ANK3: variants seen among roughly 807,000 people sequenced by gnomAD.
ANK3 encodes ankyrin-3.
In ANK3, 57 loss-of-function variants were observed where a neutral mutation model predicts 370.9. The observed-to-expected ratio is 0.15, with a 90% CI of 0.12 to 0.19. The LOEUF (loss-of-function observed/expected upper bound fraction) is 0.19, where lower values mean the gene tolerates loss of function less well. Ranked by LOEUF, ANK3 falls within the 10% of genes least tolerant of loss-of-function variation. The pLI is 1.00. For missense variants in ANK3, 4,439 were observed against 5,302.1 expected, an observed-to-expected ratio of 0.84 and a Z score of 5.06; for synonymous variants, 1,929 against 1,946.3, an observed-to-expected ratio of 0.99 and a Z score of 0.23.
chr10:60,158,735 G>C (rs2095421196), intron 23 of ANK3, among the ~76,000 whole-genome samples: 1 of 136,112 alleles, frequency 7.3e-6, no homozygotes, highest in African/African-American at 2.8e-5. Flanking sequence ...GAGAGCAATG[G>C]TGCTATCTTG....
At chr10:60,458,008 A>G (rs2064791084) in intron 2 of ANK3, among the ~76,000 whole-genome samples, 5 of 152,112 alleles carry the variant, frequency 3.3e-5, no homozygotes. Flanking sequence ...AGAATAATAT[A>G]CAATCTTTTT....
chr10:60,165,186 T>C (rs2095595318), intron 23 of ANK3, among the ~76,000 whole-genome samples: 1 of 152,214 alleles, frequency 6.6e-6, no homozygotes, highest in African/African-American at 2.4e-5. Context: ...AATAATTTCA[T>C]TTGACAAACA....
chr10:60,205,941 A>G (rs755142218), intron 10 of ANK3, 51 bp from the exon 11 acceptor site: 2 of 1,194,818 alleles, frequency 1.7e-6, no homozygotes, highest in South Asian at 2.4e-5. Flanking sequence ...ATCAAAATCC[A>G]GTTTCACTGT....
chr10:60,221,110 C>T (rs1193878798), intron 8 of ANK3, among the ~76,000 whole-genome samples: 7 of 144,134 alleles, frequency 4.9e-5, no homozygotes, highest in African/African-American at 7.7e-5. Flanking sequence ...GATGGAGTCT[C>T]GCTTTATTGC....
Position 60,638,672 on chromosome 10 carries a change from G to C in ANK3, c.58-23448C>G, listed in dbSNP as rs980950460. On this transcript the variant is annotated intron_variant, in intron 1 of 43. Transcript: ENST00000373827. ...AAGGAAAATACAACCATAATAAAGAGAGAACTAAAAAAAATATAAACACCC... is the reference window on the plus strand; with the variant it reads ...AAGGAAAATACAACCATAATAAAGACAGAACTAAAAAAAATATAAACACCC... Among the ~76,000 whole-genome samples the C allele has an allele frequency of 5.9e-5, 9 of 151,730 alleles. No individual in the cohort carries two copies. The East Asian group carries it at 1.7e-3, about 29-fold the overall frequency.
At chr10:60,526,634 T>A (rs1157208460) in intron 2 of ANK3, among the ~76,000 whole-genome samples, 1 of 152,140 alleles carries the variant, frequency 6.6e-6, no homozygotes, top group Admixed American at 6.6e-5. Flanking sequence ...AGGATAGAGA[T>A]AATCAGCTTT....
At chr10:60,710,638 AGAG>A (rs1174067095) in intron 1 of ANK3, among the ~76,000 whole-genome samples, 2 of 152,224 alleles carry the variant, frequency 1.3e-5, no homozygotes, top group Non-Finnish European at 2.9e-5. Context: ...GCCATATATA[AGAG>A]GACCCACACA....
chr10:60,441,020 T>C (rs1345626136), intron 2 of ANK3, among the ~76,000 whole-genome samples: 1 of 152,068 alleles, frequency 6.6e-6, no homozygotes, highest in African/African-American at 2.4e-5. Context: ...GCAATGCTGA[T>C]TTAGGAGTAT....
chr10:60,664,045 A>T (rs2078967885), intron 1 of ANK3, among the ~76,000 whole-genome samples: 1 of 152,238 alleles, frequency 6.6e-6, no homozygotes, highest in Admixed American at 6.5e-5. Context: ...TCCTGGGAAC[A>T]TAAATGCAGT....
chr10:60,303,908 GTA>G (rs1164966463), intron 1 of ANK3, among the ~76,000 whole-genome samples: 1 of 148,266 alleles, frequency 6.7e-6, no homozygotes, highest in African/African-American at 2.5e-5. Flanking sequence ...GTGTGTGTGT[GTA>G]TAATTAAACA....
At chr10:60,295,962 G>A (rs1313322642) in intron 1 of ANK3, among the ~76,000 whole-genome samples, 1 of 152,052 alleles carries the variant, frequency 6.6e-6, no homozygotes, top group Non-Finnish European at 1.5e-5. Context: ...CAGTCTTCAG[G>A]GTACTCTAGA....
At chr10:60,191,425 A>G (rs1408674792) in intron 16 of ANK3, among the ~76,000 whole-genome samples, 1 of 152,210 alleles carries the variant, frequency 6.6e-6, no homozygotes, top group Non-Finnish European at 1.5e-5. Flanking sequence ...AAGGACACGA[A>G]CAGACATTTT....
At chr10:60,112,323 C>A (rs1239781835) in intron 26 of ANK3, among the ~76,000 whole-genome samples, 1 of 63,976 alleles carries the variant, frequency 1.6e-5, no homozygotes, top group Non-Finnish European at 3.9e-5. Context: ...CTGAATGTAT[C>A]CCAGATGTTA....
intron 2 of ANK3, among the ~76,000 whole-genome samples, chr10:60,399,058 G>T (rs927191239): frequency 3.3e-5 from 5 of 151,926 alleles, no homozygotes; most frequent in Admixed American, 6.6e-5. Context: ...AATATTTATG[G>T]GGTATCGCCT....
chr10:60,279,206 A>C (rs2098129491), intron 2 of ANK3, 58 bp from the exon 3 acceptor site: 3 of 1,435,260 alleles, frequency 2.1e-6, no homozygotes, highest in Non-Finnish European at 2.9e-6. Flanking sequence ...GCAGTAAACA[A>C]CCGACCAAGA....
chr10:60,332,838 A>C (rs1242375437), intron 1 of ANK3, among the ~76,000 whole-genome samples: 1 of 152,234 alleles, frequency 6.6e-6, no homozygotes, highest in Non-Finnish European at 1.5e-5. Flanking sequence ...AGATAGTATC[A>C]GATAAATCAC....
At chr10:60,185,202 T>G (rs1166650752) in intron 17 of ANK3, among the ~76,000 whole-genome samples, 1 of 152,138 alleles carries the variant, frequency 6.6e-6, no homozygotes, top group Non-Finnish European at 1.5e-5. Flanking sequence ...ATTTTCACAA[T>G]ACTAAAACTA....
intron 2 of ANK3, among the ~76,000 whole-genome samples, chr10:60,557,031 C>A (rs1251998670): frequency 6.6e-6 from 1 of 152,172 alleles, no homozygotes. Context: ...CCAAAGCCAT[C>A]CCCCTCCCCC....
intron 2 of ANK3, among the ~76,000 whole-genome samples, chr10:60,489,711 A>T (rs910430075): frequency 5.9e-5 from 9 of 152,228 alleles, no homozygotes; most frequent in Admixed American, 1.3e-4. Context: ...TCATATTTGC[A>T]TAATTTTCTT....
Sources: gnomAD v4.1 joint callset for allele counts (sites outside exome capture counted in the v4.1 genomes callset) on GRCh38, gnomAD v4.1.1 for gene constraint, MANE v1.5 for transcripts, NCBI Gene and HGNC (gene_info 2026-07-23, HGNC 2026-07-21) for gene names.